Variants in RALYL observed in about 807,000 individuals in gnomAD.
RALYL encodes RALY RNA binding protein like.
In RALYL, 29 loss-of-function variants were observed where a neutral mutation model predicts 35.1. The observed-to-expected ratio is 0.83, with a 90% confidence interval of 0.61 to 1.13. The LOEUF (loss-of-function observed/expected upper bound fraction) is 1.13. Ranked by LOEUF, RALYL falls within the 50% of genes most tolerant of loss-of-function variation. The pLI, the probability that RALYL is intolerant of heterozygous loss-of-function variation, is 0.00. For synonymous variants in RALYL, 120 were observed against 127.6 expected, an observed-to-expected ratio of 0.94 and a Z score of 0.40; for missense variants, 359 against 360.4, an observed-to-expected ratio of 1.00 and a Z score of 0.03.
At chr8:84,367,230 G>A (rs1366729487) in intron 1 of RALYL, among the ~76,000 whole-genome samples, 3 of 144,724 alleles carry the variant, frequency 2.1e-5, no homozygotes, top group Non-Finnish European at 4.5e-5. Flanking sequence ...CTGCCTCCCA[G>A]GCTCAAGCGA....
chr8:84,423,226 G>A (rs1204995427), intron 1 of RALYL, among the ~76,000 whole-genome samples: 1 of 151,510 alleles, frequency 6.6e-6, no homozygotes, highest in Non-Finnish European at 1.5e-5. Context: ...TATGAATCTG[G>A]GTGCTCCTGC....
At chr8:84,470,271 T>C (rs2052539484) in intron 1 of RALYL, among the ~76,000 whole-genome samples, 2 of 152,196 alleles carry the variant, frequency 1.3e-5, no homozygotes, top group South Asian at 4.1e-4. Flanking sequence ...ATGATTATTC[T>C]CTTAAGGCCT....
At chr8:84,771,393 A>T (rs1815478523) in intron 2 of RALYL, among the ~76,000 whole-genome samples, 1 of 152,132 alleles carries the variant, frequency 6.6e-6, no homozygotes, top group African/African-American at 2.4e-5. Context: ...TATGGTACAC[A>T]TGTGTAAAAG....
intron 2 of RALYL, among the ~76,000 whole-genome samples, chr8:84,756,415 C>T (rs928864804): frequency 5.3e-5 from 8 of 152,098 alleles, no homozygotes; most frequent in African/African-American, 1.2e-4. Context: ...GCCCCCACTC[C>T]GTGGCTAATG....
chr8:84,312,296 TGG>T (rs1201147562), intron 1 of RALYL, among the ~76,000 whole-genome samples: 2 of 152,148 alleles, frequency 1.3e-5, no homozygotes, highest in African/African-American at 4.8e-5. Context: ...GAGATTTAGG[TGG>T]GGACACAGAG....
At chr8:84,702,983 A>G (rs1383583997) in intron 2 of RALYL, among the ~76,000 whole-genome samples, 1 of 152,146 alleles carries the variant, frequency 6.6e-6, no homozygotes, top group Non-Finnish European at 1.5e-5. Context: ...ATTCTTGAAG[A>G]GGGCAGGAAG....
chr8:84,427,225 T>C (rs1302226245), intron 1 of RALYL, among the ~76,000 whole-genome samples: 1 of 152,204 alleles, frequency 6.6e-6, no homozygotes, highest in African/African-American at 2.4e-5. Context: ...ACCATCATCG[T>C]TTGCCTCAGC....
intron 2 of RALYL, among the ~76,000 whole-genome samples, chr8:84,661,161 C>T (rs1830834104): frequency 6.6e-6 from 1 of 152,054 alleles, no homozygotes; most frequent in Non-Finnish European, 1.5e-5. Flanking sequence ...ATCTCCTGAC[C>T]TCATGATCCT....
chr8:84,517,553 A>C (rs1192203840), intron 1 of RALYL, among the ~76,000 whole-genome samples: 2 of 152,232 alleles, frequency 1.3e-5, no homozygotes, highest in Non-Finnish European at 1.5e-5. Context: ...TATCCAAAGG[A>C]ACCAGCAAAT....
At chr8:84,411,479 C>T (rs942735781) in intron 1 of RALYL, among the ~76,000 whole-genome samples, 1 of 151,796 alleles carries the variant, frequency 6.6e-6, no homozygotes, top group African/African-American at 2.4e-5. Context: ...ATATGGGGAA[C>T]ATTGAATTCT....
In RALYL at chr8:84,311,088, A is replaced by AT. The variant is rs1305392952; in HGVS notation, c.-24+126664_-24+126665insT. Among the ~76,000 whole-genome samples, 295 of 126,242 alleles carry AT rather than the reference A, an allele frequency of 2.3e-3. 15 individuals are homozygous for AT. Among genetic ancestry groups the AT allele is most frequent in the Admixed American group, 4.7e-3 (57 of 12,208 alleles). 82.8% of individuals were successfully genotyped at this position (126,242 alleles called of 152,430 possible). ...AAAAAAAAAAAAAAAAAAAAAAAAA[A>AT]AAATGTATATTAATGTATAGTATAA... On this transcript the variant is annotated intron_variant, in intron 1 of 8. Transcript: ENST00000521268.
intron 1 of RALYL, among the ~76,000 whole-genome samples, chr8:84,333,396 T>C (rs80136113): frequency 0.027 from 4,134 of 152,226 alleles, 102 homozygotes; most frequent in Non-Finnish European, 0.031. Context: ...TCAATTAAAA[T>C]ATAGTCTATC....
intron 1 of RALYL, among the ~76,000 whole-genome samples, chr8:84,239,803 A>G (rs1432703623): frequency 1.3e-5 from 2 of 152,184 alleles, no homozygotes; most frequent in Non-Finnish European, 2.9e-5. Context: ...AAGCAGGAGA[A>G]TCGCTGGAAT....
At chr8:84,544,216 T>C (rs918609277) in intron 2 of RALYL, among the ~76,000 whole-genome samples, 1 of 152,002 alleles carries the variant, frequency 6.6e-6, no homozygotes, top group African/African-American at 2.4e-5. Flanking sequence ...TTCTTTAATT[T>C]TTTACAACCA....
chr8:84,542,415 A>T (rs2060083972), intron 2 of RALYL, among the ~76,000 whole-genome samples: 1 of 152,114 alleles, frequency 6.6e-6, no homozygotes, highest in Admixed American at 6.6e-5. Context: ...TTATTATCTG[A>T]TACGGTTTGG....
chr8:84,414,530 C>A (rs1431416943), intron 1 of RALYL, among the ~76,000 whole-genome samples: 1 of 152,086 alleles, frequency 6.6e-6, no homozygotes, highest in East Asian at 1.9e-4. Flanking sequence ...TTTGTGCCTT[C>A]CACTATGATT....
chr8:84,263,276 A>T lies in RALYL; in HGVS notation c.-24+78852A>T, dbSNP rs138077410. ...TTTACCTCAAATTTCTCAGTTTATT[A>T]CTCATAACCATAGAACAGTTGTCTG... On this transcript the variant is annotated intron_variant, in intron 1 of 8. Coordinates refer to ENST00000521268, the MANE Select transcript of RALYL (RefSeq NM_173848.7). 2.6e-4 allele frequency among the ~76,000 whole-genome samples: 39 copies of T among 152,276 alleles called. 1 individual carries two copies. The East Asian group carries it at 6.6e-3, about 26-fold the overall frequency.
intron 2 of RALYL, among the ~76,000 whole-genome samples, chr8:84,531,120 C>T (rs2059250683): frequency 6.6e-6 from 1 of 152,056 alleles, no homozygotes; most frequent in Non-Finnish European, 1.5e-5. Context: ...ATCTGGATTA[C>T]ATAGTTCAAT....
intron 1 of RALYL, among the ~76,000 whole-genome samples, chr8:84,437,996 C>T (rs147580594): frequency 1.9e-3 from 284 of 152,238 alleles, no homozygotes; most frequent in Middle Eastern, 0.01. Context: ...GCAAGAACAG[C>T]CTAATGCAAT....
Sources: gnomAD v4.1 joint callset for allele counts (sites outside exome capture counted in the v4.1 genomes callset) on GRCh38, gnomAD v4.1.1 for gene constraint, MANE v1.5 for transcripts, NCBI Gene and HGNC (gene_info 2026-07-23, HGNC 2026-07-21) for gene names.